The following LIN7C variants were observed in gnomAD, a reference collection of about 807,000 sequenced individuals.
LIN7C encodes the protein lin-7 cell polarity scaffold C, also known as protein lin-7 homolog C.
In LIN7C, 17 loss-of-function variants were observed where a neutral mutation model predicts 24.7. The observed-to-expected ratio is 0.69, with a 90% confidence interval of 0.47 to 1.03. The LOEUF (loss-of-function observed/expected upper bound fraction) is 1.03, where lower values mean the gene tolerates loss of function less well. Ranked by LOEUF, LIN7C falls within the 50% of genes least tolerant of loss-of-function variation. LIN7C has a pLI of 0.00. For synonymous variants in LIN7C, 90 were observed against 83.4 expected (o/e 1.08, Z -0.43); for missense variants, 204 against 239.0 (o/e 0.85, Z 0.97).
At chr11:27,505,304 C>T (rs1240252175) in intron 1 of LIN7C, among the ~76,000 whole-genome samples, 3 of 152,200 alleles carry the variant, frequency 2.0e-5, no homozygotes, top group Middle Eastern at 3.2e-3. Context: ...TGCACTCCAG[C>T]CTGGGCGACA....
At position 27,495,165 on chromosome 11, in the gene LIN7C, AT is replaced by A. The variant is rs879580610; in HGVS notation, c.*3483del. 2 of 152,526 alleles carry A rather than the reference AT, an allele frequency of 1.3e-5. No homozygotes were observed. The highest frequency in any genetic ancestry group is 4.8e-5 in the African/African-American group (2 of 41,566). The allele number at this position is 152,526 out of a possible 1,614,324, so 9.4% of individuals were successfully genotyped here. A position where few individuals can be genotyped will look rare whatever the true frequency, so the allele number is the denominator to read the frequency against. ...ATCTTAAGAGGAGGAGGACAATGAT[AT>A]TTTTTAAAAACATATTTGAGGCTGG... On this transcript the variant is annotated 3_prime_UTR_variant, in exon 5 of 5. Transcript: ENST00000278193.
chr11:27,501,437 A>G, intron 3 of LIN7C, 58 bp downstream of exon 3: 2 of 1,034,026 alleles, frequency 1.9e-6, no homozygotes, highest in Non-Finnish European at 3.0e-6. Context: ...TAATAACTCC[A>G]TATTTTAAAC....
At chr11:27,501,694 G>A (rs1865228072) in intron 2 of LIN7C, 108 bp downstream of exon 2, 1 of 906,062 alleles carries the variant, frequency 1.1e-6, no homozygotes, top group Admixed American at 2.5e-5. Context: ...AGAGGGACTG[G>A]TTTTAATGTT....
Position 27,505,275 on chromosome 11 carries a change from T to C in LIN7C, c.37+1441A>G, listed in dbSNP as rs190283349. Among the ~76,000 whole-genome samples, 904 of 152,314 alleles carry C rather than the reference T, an allele frequency of 5.9e-3. 5 individuals carry two copies. Among genetic ancestry groups the C allele is most frequent in the Middle Eastern group, 0.024 (7 of 294 alleles). On this transcript the variant is annotated intron_variant, in intron 1 of 4. Transcript: ENST00000278193. Reference sequence around the variant, plus strand: ...TGAACCCGGGAGGCAGAGGTTGCAGTGAGCCGAGATCGCGCCACTGCACTC... The same window carrying C: ...TGAACCCGGGAGGCAGAGGTTGCAGCGAGCCGAGATCGCGCCACTGCACTC...
chr11:27,499,640 C>T lies in LIN7C; in HGVS notation c.229-72G>A, dbSNP rs552080618. 1.1e-4 allele frequency: 148 copies of T among 1,360,668 alleles called. No individual in the cohort carries two copies. The South Asian group carries it at 1.6e-3, about 15-fold the overall frequency. 84.3% of individuals were successfully genotyped at this position (1,360,668 alleles called of 1,614,324 possible). A position where few individuals can be genotyped will look rare whatever the true frequency, so the allele number is the denominator to read the frequency against. ...AGTTCTTTCATCTTTTGTTTCCCCC[C>T]GAGATGGAGTCTCGCTCTGTCGCAC... is the stretch of plus-strand genomic sequence containing the variant. On this transcript the variant is annotated intron_variant, in intron 3 of 4. Transcript: ENST00000278193.
intron 4 of LIN7C, 120 bp downstream of exon 4, chr11:27,499,239 G>T: frequency 2.7e-6 from 2 of 736,306 alleles, no homozygotes; most frequent in Non-Finnish European, 4.6e-6. Flanking sequence ...TAATAGTACT[G>T]CCTAGGATTC....
chr11:27,499,634 T>G, intron 3 of LIN7C, 66 bp from the exon 4 acceptor site: 2 of 1,417,768 alleles, frequency 1.4e-6, no homozygotes, highest in Admixed American at 3.7e-5. Flanking sequence ...ATCTTTTGTT[T>G]CCCCCCGAGA....
rs1865199697 is a variant in LIN7C at position 27,499,380 on chromosome 11, T to C, written c.417A>G (p.Gln139=). 6.2e-7 allele frequency: 1 copy of C among 1,613,316 alleles called. No individual in the cohort carries two copies. Among genetic ancestry groups the C allele is most frequent in the Non-Finnish European group, 8.5e-7 (1 of 1,179,702 alleles). Reference sequence around the variant, plus strand: ...TTACCACTCCATTAACAGAGAGGAGTTGATCTCCACGTTTGAGGCCCCCAT... The same window carrying C: ...TTACCACTCCATTAACAGAGAGGAGCTGATCTCCACGTTTGAGGCCCCCAT... ...DRHGGLKRGD[Q]LLSVNGVSVE... Residue 139 remains glutamine, a synonymous_variant, in exon 4 of 5, where the codon CAA becomes CAG. Coordinates refer to ENST00000278193, the MANE Select transcript of LIN7C (RefSeq NM_018362.4).
At chr11:27,501,375 G>A in intron 3 of LIN7C, 120 bp downstream of exon 3, 1 of 659,304 alleles carries the variant, frequency 1.5e-6, no homozygotes, top group South Asian at 1.8e-5. Context: ...TGAGAAATTT[G>A]GTGTAGCTTG....
rs1297856400 is a variant in LIN7C, at chr11:27,499,249, C to A, written c.438+110G>T. ...TGTATTAATAGTACTGCCTAGGATT[C>A]CCTCAAGGCATTTCTAAACCACAAG... On this transcript the variant is annotated intron_variant, in intron 4 of 4. Coordinates refer to ENST00000278193, the MANE Select transcript of LIN7C (RefSeq NM_018362.4). The A allele has an allele frequency of 2.8e-5, 22 of 790,454 alleles. No individual in the cohort carries two copies. In the Admixed American group the frequency reaches 5.2e-4, roughly 19 times the overall value. The allele number at this position is 790,454 out of a possible 1,614,324, so 49.0% of individuals were successfully genotyped here. A position where few individuals can be genotyped will look rare whatever the true frequency, so the allele number is the denominator to read the frequency against.
In LIN7C at chr11:27,495,262, T is replaced by G. The variant is rs973830754; in HGVS notation, c.*3387A>C. On this transcript the variant is annotated 3_prime_UTR_variant, in exon 5 of 5. Coordinates refer to ENST00000278193, the MANE Select transcript of LIN7C (RefSeq NM_018362.4). Reference sequence around the variant, plus strand: ...GCGGGCGAATCACGAGGTCAGGAGATCGAGATCATCCTGGCTAACACGGTG... The same window carrying G: ...GCGGGCGAATCACGAGGTCAGGAGAGCGAGATCATCCTGGCTAACACGGTG... 1 of 152,098 alleles carries G rather than the reference T, an allele frequency of 6.6e-6. No homozygotes were observed. Among genetic ancestry groups the G allele is most frequent in the Non-Finnish European group, 1.5e-5 (1 of 68,058 alleles). The allele number at this position is 152,098 out of a possible 1,614,324, so 9.4% of individuals were successfully genotyped here. A position where few individuals can be genotyped will look rare whatever the true frequency, so the allele number is the denominator to read the frequency against.
At chr11:27,506,631 G>C (rs1415791311) in intron 1 of LIN7C, 85 bp downstream of exon 1, 2 of 1,484,136 alleles carry the variant, frequency 1.3e-6, no homozygotes, top group Non-Finnish European at 9.3e-7. Context: ...GGATCTCAGA[G>C]CCTGGGTCAC....
chr11:27,504,987 G>C (rs1020056296), intron 1 of LIN7C, among the ~76,000 whole-genome samples: 2 of 152,116 alleles, frequency 1.3e-5, no homozygotes, highest in African/African-American at 4.8e-5. Flanking sequence ...ACAAAGCCAA[G>C]ACTATCAAAA....
chr11:27,505,671 A>C (rs923148609), intron 1 of LIN7C, among the ~76,000 whole-genome samples: 7 of 152,272 alleles, frequency 4.6e-5, no homozygotes, highest in Non-Finnish European at 1.0e-4. Flanking sequence ...TAAGTACAGT[A>C]ATTCTAAAAA....
In LIN7C at chr11:27,504,838, C is replaced by G. The variant is rs186770693; in HGVS notation, c.37+1878G>C. On this transcript the variant is annotated intron_variant, in intron 1 of 4. Coordinates refer to ENST00000278193, the MANE Select transcript of LIN7C (RefSeq NM_018362.4). The stretch of plus-strand genomic sequence containing the variant: ...TGTCTGTACATGTTCTATACAGACA[C>G]GATTTTTTTCTGAGTATTTTCAATC... 3.9e-5 allele frequency among the ~76,000 whole-genome samples: 6 copies of G among 152,208 alleles called. No homozygotes were observed. In the East Asian group the frequency reaches 1.2e-3, roughly 29 times the overall value.
rs1390724446 is a variant in LIN7C at position 27,495,982 on chromosome 11, C to T, written c.*2667G>A. 1 of 125,714 alleles carries T rather than the reference C, an allele frequency of 8.0e-6. No homozygotes were observed. The highest frequency in any genetic ancestry group is 2.3e-4 in the East Asian group (1 of 4,386). The allele number at this position is 125,714 out of a possible 1,614,324, so 7.8% of individuals were successfully genotyped here. A position where few individuals can be genotyped will look rare whatever the true frequency, so the allele number is the denominator to read the frequency against. ...ATCCTGTCTCTTTTAAAACAAAAAA[C>T]AAACAAACCAAAAAAAAAACAAAAA... is the stretch of plus-strand genomic sequence containing the variant. On this transcript the variant is annotated 3_prime_UTR_variant, in exon 5 of 5. Transcript: ENST00000278193.
rs1865170786 is a variant in LIN7C at position 27,496,424 on chromosome 11, C to T, written c.*2225G>A. 1 of 152,162 alleles carries T rather than the reference C, an allele frequency of 6.6e-6. No individual in the cohort carries two copies. 9.4% of individuals were successfully genotyped at this position (152,162 alleles called of 1,614,324 possible). ...GATAAAAATTCCCATCATTTCCTCACTGCACTAAACCACCACTGTACATCT... is the reference window on the plus strand; with the variant it reads ...GATAAAAATTCCCATCATTTCCTCATTGCACTAAACCACCACTGTACATCT... On this transcript the variant is annotated 3_prime_UTR_variant, in exon 5 of 5. Transcript: ENST00000278193.
intron 1 of LIN7C, 25 bp downstream of exon 1, chr11:27,506,691 T>TCCG: frequency 6.2e-7 from 1 of 1,613,236 alleles, no homozygotes; most frequent in African/African-American, 1.3e-5. Flanking sequence ...TCCGCCCACC[T>TCCG]CCGCCGAGCC....
chr11:27,499,146 T>G (rs1865197069), intron 4 of LIN7C, among the ~76,000 whole-genome samples: 1 of 152,168 alleles, frequency 6.6e-6, no homozygotes, highest in South Asian at 2.1e-4. Flanking sequence ...AATAAAGAGC[T>G]TATGTCATAA....
Sources: allele counts gnomAD v4.1 joint callset (sites outside exome capture counted in the v4.1 genomes callset), GRCh38; gene constraint gnomAD v4.1.1; transcripts MANE v1.5; gene names NCBI Gene and HGNC (gene_info 2026-07-23, HGNC 2026-07-21).